Variants in CHST9 observed in about 807,000 individuals in gnomAD.
The protein encoded by CHST9 is carbohydrate sulfotransferase 9.
Under a neutral mutation model 44.4 loss-of-function variants are expected in CHST9, and 41 were observed. That is an observed-to-expected ratio of 0.92 (90% CI 0.72 to 1.20). The LOEUF is 1.20. Ranked by LOEUF, CHST9 falls within the 50% of genes most tolerant of loss-of-function variation. The pLI, the probability that CHST9 is intolerant of heterozygous loss-of-function variation, is 0.00. For missense variants in CHST9, 504 were observed against 516.5 expected, an observed-to-expected ratio of 0.98 and a Z score of 0.23; for synonymous variants, 171 against 178.4, an observed-to-expected ratio of 0.96 and a Z score of 0.33.
intron 2 of CHST9, among the ~76,000 whole-genome samples, chr18:27,086,093 A>G (rs562854351): frequency 3.2e-4 from 48 of 152,254 alleles, no homozygotes; most frequent in Non-Finnish European, 5.9e-4. Flanking sequence ...CAAAGTTGGG[A>G]ACCATAGACA....
At chr18:26,985,410 T>C (rs1181927996) in intron 4 of CHST9, among the ~76,000 whole-genome samples, 2 of 152,190 alleles carry the variant, frequency 1.3e-5, no homozygotes, top group Non-Finnish European at 1.5e-5. Flanking sequence ...TGCATGACAC[T>C]GAACAGCAGG....
intron 1 of CHST9, among the ~76,000 whole-genome samples, chr18:27,152,422 T>G (rs2058666626): frequency 6.6e-6 from 1 of 151,650 alleles, no homozygotes; most frequent in South Asian, 2.1e-4. Flanking sequence ...CACATTTGCA[T>G]TAAAGAGTGA....
chr18:26,941,832 T>G (rs900610143), intron 5 of CHST9, among the ~76,000 whole-genome samples: 2 of 152,238 alleles, frequency 1.3e-5, no homozygotes, highest in South Asian at 4.1e-4. Context: ...TTGTTTGTTC[T>G]CAGAGCTCAG....
At chr18:27,142,072 A>G (rs568424739) in intron 2 of CHST9, among the ~76,000 whole-genome samples, 2 of 152,326 alleles carry the variant, frequency 1.3e-5, no homozygotes, top group African/African-American at 4.8e-5. Context: ...CTGGCCCACC[A>G]GCTGTTTTTG....
chr18:26,927,527 T>A (rs1400446931), intron 5 of CHST9, among the ~76,000 whole-genome samples: 2 of 152,080 alleles, frequency 1.3e-5, no homozygotes, highest in African/African-American at 2.4e-5. Context: ...GGAAAACATG[T>A]GAACAAATGT....
chr18:26,956,487 AT>A (rs1374647982), intron 4 of CHST9, among the ~76,000 whole-genome samples: 8 of 148,536 alleles, frequency 5.4e-5, no homozygotes, highest in Middle Eastern at 3.6e-3. Flanking sequence ...ATAATATACA[AT>A]TTTTTATATA....
chr18:27,101,475 C>T (rs1366244224), intron 2 of CHST9, among the ~76,000 whole-genome samples: 2 of 149,456 alleles, frequency 1.3e-5, no homozygotes, highest in Non-Finnish European at 3.0e-5. Context: ...CGCCTGTAGT[C>T]CCAGCTACTG....
chr18:26,975,729 A>G lies in CHST9; in HGVS notation c.203-31363T>C, dbSNP rs1197437403. On this transcript the variant is annotated intron_variant, in intron 4 of 5. Transcript: ENST00000618847. ...TATATATGTGTGTGTGTGTGTGTAT[A>G]TATATATATATATATATATATATAT... Among the ~76,000 whole-genome samples the G allele has an allele frequency of 5.5e-3, 81 of 14,790 alleles. No individual in the cohort carries two copies. In the East Asian group the frequency reaches 0.14, roughly 26 times the overall value. 9.7% of individuals were successfully genotyped at this position (14,790 alleles called of 152,430 possible).
chr18:27,020,466 C>T (rs1416287845), intron 4 of CHST9, among the ~76,000 whole-genome samples: 1 of 152,210 alleles, frequency 6.6e-6, no homozygotes, highest in Non-Finnish European at 1.5e-5. Context: ...GGTCTCTCAA[C>T]CCCTAATGAG....
intron 2 of CHST9, among the ~76,000 whole-genome samples, chr18:27,084,789 CTG>C: frequency 6.6e-6 from 1 of 151,844 alleles, no homozygotes; most frequent in Non-Finnish European, 1.5e-5. Context: ...TGGGCTTTTA[CTG>C]TTATAGATTT....
At chr18:26,960,766 G>A (rs1298604254) in intron 4 of CHST9, among the ~76,000 whole-genome samples, 2 of 152,166 alleles carry the variant, frequency 1.3e-5, no homozygotes, top group Non-Finnish European at 2.9e-5. Context: ...TGACTCCTGG[G>A]CTTCAGCAAT....
rs75386642 is a variant in CHST9 at position 27,131,238 on chromosome 18, C to T, written c.121+11451G>A. Among the ~76,000 whole-genome samples the T allele has an allele frequency of 8.7e-4, 133 of 152,224 alleles. 2 individuals carry two copies. The East Asian group carries it at 0.025, about 29-fold the overall frequency. On this transcript the variant is annotated intron_variant, in intron 2 of 5. Transcript: ENST00000618847. ...AATAGACCCCTCCTGGCCCAGGGAC[C>T]CCAGAGAAACCTTCAATAACTGAGT...
intron 4 of CHST9, among the ~76,000 whole-genome samples, chr18:26,997,802 A>T (rs1478274500): frequency 6.6e-6 from 1 of 152,180 alleles, no homozygotes; most frequent in Non-Finnish European, 1.5e-5. Context: ...CCTGGGAATA[A>T]GGCTGAACCA....
At chr18:26,971,837 ATGGATAGCTCCCACG>A (rs2056548175) in intron 4 of CHST9, among the ~76,000 whole-genome samples, 1 of 75,140 alleles carries the variant, frequency 1.3e-5, no homozygotes, top group African/African-American at 5.8e-5. Flanking sequence ...TCCCACGGCT[ATGGATAGCTCCCACG>A]ACTCCCCACA....
intron 4 of CHST9, among the ~76,000 whole-genome samples, chr18:27,022,438 C>T (rs1431552379): frequency 1.3e-5 from 2 of 152,170 alleles, no homozygotes; most frequent in African/African-American, 4.8e-5. Flanking sequence ...CATTTCTTCA[C>T]ATTTCAACTC....
chr18:27,031,123 C>G (rs927679004), intron 3 of CHST9, among the ~76,000 whole-genome samples: 5 of 152,142 alleles, frequency 3.3e-5, no homozygotes, highest in Non-Finnish European at 7.4e-5. Context: ...TACTATTTCT[C>G]TCTCTCAATT....
intron 2 of CHST9, among the ~76,000 whole-genome samples, chr18:27,121,756 T>C (rs1450848603): frequency 1.3e-5 from 2 of 152,150 alleles, no homozygotes; most frequent in Non-Finnish European, 2.9e-5. Flanking sequence ...GGTGAAAACA[T>C]TGTTGGCCCT....
chr18:26,963,116 C>T (rs1361558111), intron 4 of CHST9, among the ~76,000 whole-genome samples: 1 of 152,138 alleles, frequency 6.6e-6, no homozygotes, highest in African/African-American at 2.4e-5. Flanking sequence ...CTGTATTGGG[C>T]ATAGAGTGAA....
rs140364734 is a variant in CHST9, at chr18:27,179,699, A to G, written c.-97+5437T>C. Among the ~76,000 whole-genome samples, 353 of 152,222 alleles carry G rather than the reference A, an allele frequency of 2.3e-3. 4 individuals are homozygous for G. Among genetic ancestry groups the G allele is most frequent in the African/African-American group, 7.9e-3 (329 of 41,552 alleles). ...TGCATATCAAACTGTATAACCTGGT[A>G]CATAATTACAATTAAGAATTTTATT... On this transcript the variant is annotated intron_variant, in intron 1 of 5. Transcript: ENST00000618847.
Sources: allele counts gnomAD v4.1 joint callset (sites outside exome capture counted in the v4.1 genomes callset), GRCh38; gene constraint gnomAD v4.1.1; transcripts MANE v1.5; gene names NCBI Gene and HGNC (gene_info 2026-07-23, HGNC 2026-07-21).